The following FABP6 variants were observed in gnomAD, a reference collection of about 807,000 sequenced individuals.
FABP6 encodes fatty acid binding protein 6.
Under a neutral mutation model 14.9 loss-of-function variants are expected in FABP6, and 13 were observed. The observed-to-expected ratio is 0.87, with a 90% confidence interval of 0.57 to 1.39. The LOEUF is 1.39. FABP6 is among the 40% of genes most tolerant of loss of function. FABP6 has a pLI of 0.00. For missense variants in FABP6, 161 were observed against 167.2 expected (o/e 0.96, Z 0.20); for synonymous variants, 75 against 63.6 (o/e 1.18, Z -0.85).
intron 2 of FABP6, among the ~76,000 whole-genome samples, chr5:160,205,317 CAAAAAAAAAAAAAA>C: frequency 1.5e-5 from 1 of 67,080 alleles, no homozygotes; most frequent in Middle Eastern, 8.5e-3. Flanking sequence ...GACTTCATCT[CAAAAAAAAAAAAAA>C]AAAAAAAAGC....
intron 1 of FABP6, among the ~76,000 whole-genome samples, chr5:160,193,259 T>A (rs1001256419): frequency 1.3e-5 from 2 of 151,996 alleles, no homozygotes; most frequent in Non-Finnish European, 2.9e-5. Flanking sequence ...GCGGCACGTC[T>A]GGAGTTGTTC....
rs1475195680 is a variant in FABP6, at chr5:160,223,358, CTTCT to C, written c.136-6184_136-6181del. Among the ~76,000 whole-genome samples, 475 of 83,542 alleles carry C rather than the reference CTTCT, an allele frequency of 5.7e-3. 10 individuals carry two copies. Among genetic ancestry groups the C allele is most frequent in the African/African-American group, 0.024 (451 of 18,740 alleles). The allele number at this position is 83,542 out of a possible 152,430, so 54.8% of individuals were successfully genotyped here. On this transcript the variant is annotated intron_variant, in intron 3 of 6. Transcript: ENST00000393980. ...CCTTCCTTCCTTCCTTCCTTCCTTC[CTTCT>C]TTCCCTCCCTCCCTCCCTCCCTCTC...
At chr5:160,209,451 A>G (rs1274808355) in intron 2 of FABP6, among the ~76,000 whole-genome samples, 1 of 152,072 alleles carries the variant, frequency 6.6e-6, no homozygotes, top group African/African-American at 2.4e-5. Context: ...TGAGCCTGGG[A>G]GGTTGAGGGT....
intron 1 of FABP6, chr5:160,197,664 T>G (rs1759536721): frequency 6.6e-6 from 1 of 152,310 alleles, no homozygotes; most frequent in Non-Finnish European, 1.5e-5. Flanking sequence ...ATGCCAACCC[T>G]GCCCCCTCCT....
At chr5:160,233,107 G>A (rs1293397272) in intron 2 of FABP6, among the ~76,000 whole-genome samples, 4 of 150,684 alleles carry the variant, frequency 2.7e-5, no homozygotes, top group African/African-American at 9.7e-5. Context: ...TCAGCCTCCT[G>A]AGTAGCTGGG....
chr5:160,193,236 C>G (rs58834601), intron 1 of FABP6, among the ~76,000 whole-genome samples: 3 of 151,466 alleles, frequency 2.0e-5, no homozygotes, highest in Admixed American at 1.3e-4. Flanking sequence ...TGCAGACTTT[C>G]GCGGTGAGTG....
upstream of FABP6, chr5:160,229,486 G>A (rs1041696495): frequency 5.0e-6 from 8 of 1,609,254 alleles, no homozygotes; most frequent in Non-Finnish European, 6.8e-6. Context: ...TTTATAAGCT[G>A]GGATAGCAGA....
intron 3 of FABP6, 41 bp downstream of exon 3, chr5:160,234,950 T>C: frequency 6.3e-7 from 1 of 1,576,818 alleles, no homozygotes; most frequent in South Asian, 1.1e-5. Flanking sequence ...ATTGGATATT[T>C]GTCTGCCTCT....
chr5:160,231,623 T>G (rs1760384491), intron 1 of FABP6, among the ~76,000 whole-genome samples: 1 of 152,196 alleles, frequency 6.6e-6, no homozygotes, highest in African/African-American at 2.4e-5. Flanking sequence ...CTCGAACTTC[T>G]GACCTTAAAC....
intron 3 of FABP6, among the ~76,000 whole-genome samples, chr5:160,236,178 G>A (rs982773243): frequency 6.6e-6 from 1 of 151,968 alleles, no homozygotes; most frequent in Non-Finnish European, 1.5e-5. Context: ...ATCACATCTG[G>A]CTAATTTTTG....
chr5:160,188,272 T>C (rs935741063), intron 1 of FABP6, among the ~76,000 whole-genome samples: 1 of 152,152 alleles, frequency 6.6e-6, no homozygotes, highest in Admixed American at 6.5e-5. Context: ...AAGCTCGAGT[T>C]TCCTCAGCCA....
chr5:160,234,847 C>A lies in FABP6; in HGVS notation c.271C>A (p.Leu91Met). 1 of 1,611,180 alleles carries A rather than the reference C, an allele frequency of 6.2e-7. No homozygotes were observed. Among genetic ancestry groups the A allele is most frequent in the East Asian group, 2.2e-5 (1 of 44,696 alleles). The change falls in exon 3 of 4, where the codon CTG (leucine) becomes ATG (methionine). Residue 91 changes from leucine (L) to methionine (M), a missense_variant. Transcript: ENST00000402432. ...CACTGTGCAGATGGAGGGCGGGAAG[C>A]TGGTGGTGAATTTCCCCAACTATCA... ...KATVQMEGGK[L>M]VVNFPNYHQT...
chr5:160,220,697 T>C (rs900231366), intron 3 of FABP6, among the ~76,000 whole-genome samples: 2 of 152,130 alleles, frequency 1.3e-5, no homozygotes, highest in Non-Finnish European at 2.9e-5. Flanking sequence ...GGTCGGGTAA[T>C]GTTTCTGTGT....
chr5:160,234,752 G>A (rs529870515), intron 2 of FABP6, 68 bp from the exon 3 acceptor site: 10 of 1,307,938 alleles, frequency 7.6e-6, no homozygotes, highest in East Asian at 2.5e-5. Flanking sequence ...TACTGCCCGC[G>A]CCACCAGCCC....
At chr5:160,218,522 G>A (rs918456712) in intron 3 of FABP6, among the ~76,000 whole-genome samples, 12 of 135,892 alleles carry the variant, frequency 8.8e-5, no homozygotes, top group Admixed American at 2.5e-4. Flanking sequence ...GTGCAAAGGC[G>A]CGATCTCAGC....
At position 160,198,825 on chromosome 5, in the gene FABP6, C is replaced by A; in HGVS notation, c.-58-224C>A. ...TGCCCACCCCATCTGAAAACGACCT[C>A]TTCAAATACTGGCCCATCATCCTGT... is the stretch of plus-strand genomic sequence containing the variant. On this transcript the variant is annotated intron_variant, in intron 1 of 6. Transcript: ENST00000393980. The A allele has an allele frequency of 6.4e-6, 3 of 471,494 alleles. No homozygotes were observed. The South Asian group carries it at 8.3e-5, about 13-fold the overall frequency. The allele number at this position is 471,494 out of a possible 1,614,324, so 29.2% of individuals were successfully genotyped here.
upstream of FABP6, among the ~76,000 whole-genome samples, chr5:160,227,137 T>C (rs1324865688): frequency 4.5e-4 from 69 of 152,234 alleles, no homozygotes; most frequent in Non-Finnish European, 4.4e-5. Flanking sequence ...GGATATGATA[T>C]ACCCTTTTGT....
At chr5:160,221,070 CAG>C (rs1338636715) in intron 3 of FABP6, among the ~76,000 whole-genome samples, 1 of 129,724 alleles carries the variant, frequency 7.7e-6, no homozygotes, top group African/African-American at 3.1e-5. Flanking sequence ...GCCTGGGTGA[CAG>C]AGTGAGACTT....
intron 1 of FABP6, among the ~76,000 whole-genome samples, chr5:160,193,421 G>A (rs1007595825): frequency 3.3e-5 from 5 of 152,254 alleles, no homozygotes; most frequent in Admixed American, 6.5e-5. Context: ...GGCTTCCACA[G>A]TGTGGAAGGG....
Sources: allele counts gnomAD v4.1 joint callset (sites outside exome capture counted in the v4.1 genomes callset), GRCh38; gene constraint gnomAD v4.1.1; transcripts MANE v1.5; gene names NCBI Gene and HGNC (gene_info 2026-07-23, HGNC 2026-07-21).